Variants in ZFHX3 observed in about 807,000 individuals in gnomAD.
ZFHX3 encodes the protein zinc finger homeobox protein 3.
A neutral mutation model predicts 279.1 loss-of-function variants in ZFHX3; 42 were observed. The ratio of observed to expected loss-of-function variants is 0.15; its 90% CI spans 0.12 to 0.19. ZFHX3 has a LOEUF of 0.19. Ranked by LOEUF, ZFHX3 falls within the 10% of genes least tolerant of loss-of-function variation. The pLI is 1.00. For synonymous variants in ZFHX3, 2,293 were observed against 1,957.8 expected, an observed-to-expected ratio of 1.17 and a Z score of -4.52; for missense variants, 4,981 against 4,754.0, an observed-to-expected ratio of 1.05 and a Z score of -1.40.
chr16:73,639,367 C>T (rs1485412995), intron 2 of ZFHX3, among the ~76,000 whole-genome samples: 1 of 152,054 alleles, frequency 6.6e-6, no homozygotes, highest in African/African-American at 2.4e-5. Flanking sequence ...AGAAGATAAA[C>T]CCATTTGTCC....
At chr16:73,560,463 T>G (rs768575750) in intron 2 of ZFHX3, among the ~76,000 whole-genome samples, 5 of 152,188 alleles carry the variant, frequency 3.3e-5, no homozygotes, top group Non-Finnish European at 7.3e-5. Context: ...GATTTGATGA[T>G]CGTTTTCTAC....
chr16:73,768,362 G>A (rs958784182), intron 1 of ZFHX3, among the ~76,000 whole-genome samples: 12 of 152,280 alleles, frequency 7.9e-5, no homozygotes, highest in African/African-American at 2.9e-4. Flanking sequence ...GAAAGTACCA[G>A]AACACTTAAA....
In ZFHX3 at chr16:73,842,182, C is replaced by G. The variant is rs544545745; in HGVS notation, c.-1608+49469G>C. Among the ~76,000 whole-genome samples, 23 of 151,900 alleles carry G rather than the reference C, an allele frequency of 1.5e-4. No homozygotes were observed. The South Asian group carries it at 3.7e-3, about 25-fold the overall frequency. On this transcript the variant is annotated intron_variant, in intron 1 of 17. Transcript: ENST00000641206. ...AGTGAGCCGAGATTGCACCACTGCACTCCAGCCTGGGCAACAAGAGCGAAA... is the reference window on the plus strand; with the variant it reads ...AGTGAGCCGAGATTGCACCACTGCAGTCCAGCCTGGGCAACAAGAGCGAAA...
intron 2 of ZFHX3, chr16:73,487,497 C>T: frequency 2.4e-6 from 1 of 418,656 alleles, no homozygotes; most frequent in South Asian, 1.7e-5. Context: ...GTCTCCTGAG[C>T]TCAAGTGATC....
chr16:73,301,586 C>G (rs36009058), intron 4 of ZFHX3, among the ~76,000 whole-genome samples: 48,302 of 151,940 alleles, frequency 0.32, 8,369 homozygotes, highest in Non-Finnish European at 0.41. Flanking sequence ...AAAATTAGCC[C>G]CAGTTGAGAA....
chr16:73,529,414 G>A (rs1459943432), intron 2 of ZFHX3, among the ~76,000 whole-genome samples: 5 of 152,204 alleles, frequency 3.3e-5, no homozygotes, highest in Admixed American at 2.6e-4. Flanking sequence ...TTTCACTCAT[G>A]TGATGTGTTC....
intron 2 of ZFHX3, among the ~76,000 whole-genome samples, chr16:73,657,769 G>A (rs2052737599): frequency 6.6e-6 from 1 of 152,142 alleles, no homozygotes; most frequent in African/African-American, 2.4e-5. Context: ...CATGTTGCAT[G>A]TGTCAGTACC....
At chr16:73,719,941 T>C (rs1226486026) in intron 1 of ZFHX3, among the ~76,000 whole-genome samples, 2 of 152,236 alleles carry the variant, frequency 1.3e-5, no homozygotes, top group African/African-American at 4.8e-5. Flanking sequence ...GCTGTTTTTC[T>C]CACGGCTATC....
chr16:73,787,906 C>T (rs8063430), intron 1 of ZFHX3, among the ~76,000 whole-genome samples: 15,449 of 150,680 alleles, frequency 0.1, 1,043 homozygotes, highest in African/African-American at 0.19. Context: ...TCATTCTGTC[C>T]AGTTTTTGTA....
In ZFHX3 at chr16:72,798,217, C is replaced by T; in HGVS notation, c.4465G>A (p.Val1489Ile). The T allele has an allele frequency of 1.2e-6, 2 of 1,614,216 alleles. No homozygotes were observed. Among genetic ancestry groups the T allele is most frequent in the Non-Finnish European group, 1.7e-6 (2 of 1,180,038 alleles). The change falls in exon 9 of 10, where the codon GTT (valine) becomes ATT (isoleucine). Residue 1489 changes from valine to isoleucine, a missense_variant. Val to Ile is a conservative substitution (Grantham distance 29). Transcript: ENST00000268489. ...PTLAEDHTIIVEEDKEEESDL... is the reference protein window; with the variant it reads ...PTLAEDHTIIIEEDKEEESDL... The stretch of plus-strand genomic sequence containing the variant: ...CTCTCTTCCTCCTTGTCTTCCTCAA[C>T]AATTATGGTATGGTCCTCTGCCAGA...
chr16:73,394,800 T>C (rs1198453017), intron 3 of ZFHX3, among the ~76,000 whole-genome samples: 1 of 152,210 alleles, frequency 6.6e-6, no homozygotes, highest in Non-Finnish European at 1.5e-5. Context: ...AGTGTACTTC[T>C]ATGTGCCAGA....
At chr16:73,441,561 A>G (rs1276436087) in intron 3 of ZFHX3, among the ~76,000 whole-genome samples, 1 of 152,106 alleles carries the variant, frequency 6.6e-6, no homozygotes, top group Admixed American at 6.6e-5. Flanking sequence ...TTGGGGTAAT[A>G]ATGATTCACA....
At chr16:73,423,617 T>C (rs1327541721) in intron 3 of ZFHX3, among the ~76,000 whole-genome samples, 1 of 152,166 alleles carries the variant, frequency 6.6e-6, no homozygotes, top group African/African-American at 2.4e-5. Context: ...ATCCCAGCAC[T>C]TTGGGAGGCC....
At chr16:73,618,493 A>C (rs1156638198) in intron 2 of ZFHX3, among the ~76,000 whole-genome samples, 1 of 152,192 alleles carries the variant, frequency 6.6e-6, no homozygotes, top group Non-Finnish European at 1.5e-5. Context: ...TCAGTAACTT[A>C]TCCAAGTTTC....
chr16:73,428,551 A>G (rs2017853247), intron 3 of ZFHX3, among the ~76,000 whole-genome samples: 1 of 152,202 alleles, frequency 6.6e-6, no homozygotes, highest in Non-Finnish European at 1.5e-5. Context: ...TCAGCCAGGC[A>G]TGCAGGGTCG....
intron 2 of ZFHX3, among the ~76,000 whole-genome samples, chr16:73,676,716 T>G (rs1299858273): frequency 6.6e-6 from 1 of 151,760 alleles, no homozygotes. Context: ...TATGTATCAA[T>G]TAGAAGAAAT....
In ZFHX3 at chr16:73,416,765, C is replaced by A. The variant is rs76220381; in HGVS notation, c.-1291+39238G>T. Among the ~76,000 whole-genome samples, 3 of 140,116 alleles carry A rather than the reference C, an allele frequency of 2.1e-5. No homozygotes were observed. The East Asian group carries it at 6.0e-4, about 28-fold the overall frequency. 91.9% of individuals were successfully genotyped at this position (140,116 alleles called of 152,430 possible). A position where few individuals can be genotyped will look rare whatever the true frequency, so the allele number is the denominator to read the frequency against. On this transcript the variant is annotated intron_variant, in intron 3 of 17. Transcript: ENST00000641206. ...GGCGGGCGCCTGTAGTCCCAGCTAC[C>A]AGGGAGGCTGAAGCAGGAGAATGGC...
At chr16:73,786,476 G>A (rs542578403) in intron 1 of ZFHX3, among the ~76,000 whole-genome samples, 2 of 152,034 alleles carry the variant, frequency 1.3e-5, no homozygotes, top group Non-Finnish European at 2.9e-5. Context: ...TTGTTTCTTC[G>A]GGATCTCAGC....
chr16:73,423,590 A>G (rs766904047), intron 3 of ZFHX3, among the ~76,000 whole-genome samples: 1 of 152,224 alleles, frequency 6.6e-6, no homozygotes, highest in Non-Finnish European at 1.5e-5. Flanking sequence ...GGCTGGGCAC[A>G]GTGGCTCATG....
Sources: gnomAD v4.1 joint callset for allele counts (sites outside exome capture counted in the v4.1 genomes callset) on GRCh38, gnomAD v4.1.1 for gene constraint, MANE v1.5 for transcripts, NCBI Gene and HGNC (gene_info 2026-07-23, HGNC 2026-07-21) for gene names.